The following CFTR variants were observed in gnomAD, a reference collection of about 807,000 sequenced individuals.
The protein encoded by CFTR is cystic fibrosis transmembrane conductance regulator.
A neutral mutation model predicts 171.6 loss-of-function variants in CFTR; 181 were observed. The observed-to-expected ratio is 1.05, with a 90% CI of 0.93 to 1.19. The LOEUF (loss-of-function observed/expected upper bound fraction) is 1.19, where lower values mean the gene tolerates loss of function less well. CFTR is among the 50% of genes most tolerant of loss of function. The pLI is 0.00. For synonymous variants in CFTR, 583 were observed against 608.0 expected, an observed-to-expected ratio of 0.96 and a Z score of 0.60; for missense variants, 1,968 against 1,734.7, an observed-to-expected ratio of 1.13 and a Z score of -2.39.
intron 9 of CFTR, among the ~76,000 whole-genome samples, chr7:117,544,568 TCTTACC>T (rs1227023130): frequency 6.6e-6 from 1 of 152,222 alleles, no homozygotes; most frequent in African/African-American, 2.4e-5. Flanking sequence ...GTATACTTCT[TCTTACC>T]CTTGTCTGAA....
intron 11 of CFTR, among the ~76,000 whole-genome samples, chr7:117,561,356 T>A (rs75446482): frequency 0.039 from 5,937 of 152,180 alleles, 161 homozygotes; most frequent in Middle Eastern, 0.068. Context: ...ATTTTTGAAG[T>A]GTACAATTCA....
intron 22 of CFTR, among the ~76,000 whole-genome samples, chr7:117,638,692 C>T (rs1162502180): frequency 6.0e-5 from 9 of 151,072 alleles, no homozygotes; most frequent in South Asian, 2.1e-4. Context: ...GCTGAGATCG[C>T]GCCACTGCAC....
rs397508740 is a variant in CFTR at position 117,480,098 on chromosome 7, C to T, written c.4C>T (p.Gln2Ter). ...GGACCCCAGCGCCCGAGAGACCATG[C>T]AGAGGTCGCCTCTGGAAAAGGCCAG... is the stretch of plus-strand genomic sequence containing the variant. M[Q>*]RSPLEKASVV... The change falls in exon 1 of 27, where the codon CAG becomes TAG. Residue 2 changes from glutamine (Q) to a stop codon, truncating the protein, a stop_gained. Coordinates refer to ENST00000003084, the MANE Select transcript of CFTR (RefSeq NM_000492.4). LOFTEE classifies it high-confidence loss of function. 2 of 1,613,872 alleles carry T rather than the reference C, an allele frequency of 1.2e-6. No individual in the cohort carries two copies. Among genetic ancestry groups the T allele is most frequent in the East Asian group, 2.2e-5 (1 of 44,858 alleles).
In CFTR at chr7:117,649,943, G is replaced by A. The variant is rs1489145805; in HGVS notation, c.3874-2899G>A. 2.0e-5 allele frequency among the ~76,000 whole-genome samples: 3 copies of A among 152,158 alleles called. No homozygotes were observed. The East Asian group carries it at 5.8e-4, about 29-fold the overall frequency. On this transcript the variant is annotated intron_variant, in intron 23 of 26. Coordinates refer to ENST00000003084, the MANE Select transcript of CFTR (RefSeq NM_000492.4). ...GCAGTTGGCCATGGGAAGAAGGTAGGGAATGAGATTCCCAAGCAATAGGAA... is the reference window on the plus strand; with the variant it reads ...GCAGTTGGCCATGGGAAGAAGGTAGAGAATGAGATTCCCAAGCAATAGGAA...
chr7:117,572,335 A>G (rs951892632), intron 11 of CFTR, among the ~76,000 whole-genome samples: 5 of 152,178 alleles, frequency 3.3e-5, no homozygotes, highest in South Asian at 4.1e-4. Flanking sequence ...GAAGATTCTT[A>G]GTTCTCATGC....
intron 22 of CFTR, chr7:117,627,991 T>C (rs1459771278): frequency 2.2e-6 from 1 of 463,932 alleles, no homozygotes; most frequent in African/African-American, 2.0e-5. Flanking sequence ...AATGTGATTG[T>C]ACTTGCAGAA....
chr7:117,666,334 G>T lies in CFTR; in HGVS notation c.4243-574G>T, dbSNP rs36005386. On this transcript the variant is annotated intron_variant, in intron 26 of 26. Transcript: ENST00000003084. ...GCTTTTGAGCCTCCTGGAGGTAAATGGTTTCCTTACTGAAGGCTTGTTATT... is the reference window on the plus strand; with the variant it reads ...GCTTTTGAGCCTCCTGGAGGTAAATTGTTTCCTTACTGAAGGCTTGTTATT... Among the ~76,000 whole-genome samples the T allele has an allele frequency of 4.9e-3, 741 of 152,268 alleles. 4 individuals are homozygous for T. The highest frequency in any genetic ancestry group is 0.016 in the African/African-American group (677 of 41,542).
At chr7:117,596,445 C>T (rs1250418689) in intron 15 of CFTR, among the ~76,000 whole-genome samples, 1 of 152,248 alleles carries the variant, frequency 6.6e-6, no homozygotes, top group African/African-American at 2.4e-5. Context: ...GCACCGCCCC[C>T]TGCTCCACGG....
At chr7:117,501,528 C>A (rs1007563096) in intron 1 of CFTR, among the ~76,000 whole-genome samples, 1 of 151,710 alleles carries the variant, frequency 6.6e-6, no homozygotes, top group African/African-American at 2.4e-5. Flanking sequence ...GGTGGATTGC[C>A]TGAAGTCAGG....
At chr7:117,654,511 A>G (rs1051757025) in intron 24 of CFTR, among the ~76,000 whole-genome samples, 2 of 151,992 alleles carry the variant, frequency 1.3e-5, no homozygotes, top group Admixed American at 1.3e-4. Context: ...GTGTTGAGGG[A>G]GGGACCTGGT....
chr7:117,518,662 C>T (rs1481342906), intron 3 of CFTR, among the ~76,000 whole-genome samples: 1 of 151,014 alleles, frequency 6.6e-6, no homozygotes, highest in Non-Finnish European at 1.5e-5. Flanking sequence ...AACTCCTGGG[C>T]TCAAGTGATC....
intron 2 of CFTR, among the ~76,000 whole-genome samples, chr7:117,505,948 C>T (rs1362465088): frequency 1.3e-5 from 2 of 152,114 alleles, no homozygotes; most frequent in Non-Finnish European, 2.9e-5. Context: ...TATTATTGAA[C>T]ACTTGGTGTG....
intron 20 of CFTR, 72 bp downstream of exon 20, chr7:117,611,880 A>G (rs1430325063): frequency 3.0e-6 from 3 of 998,908 alleles, no homozygotes; most frequent in African/African-American, 1.6e-5. Flanking sequence ...GCTGCATTCT[A>G]TAGGTTATCA....
chr7:117,615,216 G>A (rs35050594), intron 21 of CFTR, among the ~76,000 whole-genome samples: 7,172 of 151,998 alleles, frequency 0.047, 576 homozygotes, highest in African/African-American at 0.16. Context: ...TATTCATGTT[G>A]ATTACTCATT....
At chr7:117,510,479 A>G (rs1189222898) in intron 3 of CFTR, among the ~76,000 whole-genome samples, 2 of 152,170 alleles carry the variant, frequency 1.3e-5, no homozygotes. Context: ...ATGATATTTC[A>G]AGTAATTGTT....
intron 15 of CFTR, 58 bp downstream of exon 15, chr7:117,595,116 G>T: frequency 1.4e-6 from 2 of 1,434,002 alleles, no homozygotes; most frequent in South Asian, 1.2e-5. Context: ...AGATAGTTTG[G>T]GGATGTATAC....
At chr7:117,520,822 G>A (rs968907178) in intron 3 of CFTR, among the ~76,000 whole-genome samples, 5 of 151,848 alleles carry the variant, frequency 3.3e-5, no homozygotes, top group African/African-American at 1.2e-4. Flanking sequence ...TTGGTATTGT[G>A]CATGGTATTA....
At chr7:117,657,951 C>T (rs1312945908) in intron 24 of CFTR, among the ~76,000 whole-genome samples, 4 of 152,158 alleles carry the variant, frequency 2.6e-5, no homozygotes, top group African/African-American at 7.2e-5. Flanking sequence ...ATGACTTGTA[C>T]CTAGTTACTA....
At chr7:117,580,309 A>C (rs957327351) in intron 11 of CFTR, among the ~76,000 whole-genome samples, 4 of 152,118 alleles carry the variant, frequency 2.6e-5, no homozygotes, top group African/African-American at 9.7e-5. Context: ...ACAATTTCAT[A>C]GGTATTAAGG....
Sources: gnomAD v4.1 joint callset for allele counts (sites outside exome capture counted in the v4.1 genomes callset) on GRCh38, gnomAD v4.1.1 for gene constraint, MANE v1.5 for transcripts, NCBI Gene and HGNC (gene_info 2026-07-23, HGNC 2026-07-21) for gene names.